The following ATP8B1 variants were observed in gnomAD, a reference collection of about 807,000 sequenced individuals.
ATP8B1 encodes the protein phospholipid-transporting ATPase IC.
ATP8B1 carries 80 observed loss-of-function variants against 149.9 expected under a neutral mutation model. The observed-to-expected ratio is 0.53, with a 90% confidence interval of 0.45 to 0.64. The LOEUF is 0.64. ATP8B1 is among the 30% of genes least tolerant of loss of function. ATP8B1 has a pLI of 0.00. For synonymous variants in ATP8B1, 536 were observed against 562.8 expected (o/e 0.95, Z 0.67); for missense variants, 1,247 against 1,552.6 (o/e 0.80, Z 3.31).
At chr18:57,731,096 C>G (rs1358366959) in intron 2 of ATP8B1, among the ~76,000 whole-genome samples, 1 of 151,704 alleles carries the variant, frequency 6.6e-6, no homozygotes, top group African/African-American at 2.4e-5. Flanking sequence ...GAGTTTGAGA[C>G]GAGCCTGGGC....
At chr18:57,678,129 T>TA (rs1036087749) in intron 15 of ATP8B1, among the ~76,000 whole-genome samples, 1 of 152,064 alleles carries the variant, frequency 6.6e-6, no homozygotes, top group African/African-American at 2.4e-5. Flanking sequence ...TTTGTCACAA[T>TA]AGAGATTAGG....
chr18:57,800,280 A>C (rs2080561547), intron 1 of ATP8B1, among the ~76,000 whole-genome samples: 1 of 152,196 alleles, frequency 6.6e-6, no homozygotes, highest in Admixed American at 6.6e-5. Context: ...GGATTGCTTG[A>C]GGCCAGGAGT....
intron 1 of ATP8B1, among the ~76,000 whole-genome samples, chr18:57,743,597 G>T (rs1291937220): frequency 6.6e-6 from 1 of 152,030 alleles, no homozygotes; most frequent in Non-Finnish European, 1.5e-5. Flanking sequence ...GGGGTGGGTG[G>T]GAGAGAGATA....
chr18:57,750,960 A>C (rs1195449407), intron 1 of ATP8B1, among the ~76,000 whole-genome samples: 1 of 152,060 alleles, frequency 6.6e-6, no homozygotes, highest in African/African-American at 2.4e-5. Context: ...CTCTAGTAAA[A>C]ATACAGAAAA....
At chr18:57,709,165 T>C (rs1913567740) in intron 2 of ATP8B1, among the ~76,000 whole-genome samples, 1 of 152,210 alleles carries the variant, frequency 6.6e-6, no homozygotes, top group South Asian at 2.1e-4. Flanking sequence ...ACAAACAAAT[T>C]GATGTCTACT....
At chr18:57,755,865 C>T (rs1294537309) in intron 1 of ATP8B1, among the ~76,000 whole-genome samples, 1 of 152,072 alleles carries the variant, frequency 6.6e-6, no homozygotes, top group Admixed American at 6.6e-5. Context: ...GCAGCACTGC[C>T]AGGGACAGAC....
intron 24 of ATP8B1, among the ~76,000 whole-genome samples, chr18:57,652,988 A>G (rs1909728074): frequency 6.6e-6 from 1 of 152,222 alleles, no homozygotes; most frequent in East Asian, 1.9e-4. Flanking sequence ...TGGAAAGAAA[A>G]CAAATTAGTA....
At chr18:57,792,962 C>G (rs2080478429) in intron 1 of ATP8B1, among the ~76,000 whole-genome samples, 1 of 152,168 alleles carries the variant, frequency 6.6e-6, no homozygotes, top group Non-Finnish European at 1.5e-5. Context: ...AAGTCAAGTC[C>G]TCTGCTTCCT....
intron 12 of ATP8B1, among the ~76,000 whole-genome samples, chr18:57,689,555 G>A (rs1232041217): frequency 6.6e-6 from 1 of 152,124 alleles, no homozygotes; most frequent in Admixed American, 6.5e-5. Context: ...TCTCCCTTCC[G>A]TAAGTATTTC....
intron 1 of ATP8B1, among the ~76,000 whole-genome samples, chr18:57,743,642 T>C (rs1404507756): frequency 2.6e-5 from 4 of 151,520 alleles, no homozygotes; most frequent in South Asian, 2.1e-4. Flanking sequence ...GGCAGGAAAA[T>C]GCAATGGAAA....
Position 57,688,393 on chromosome 18 carries a change from G to A in ATP8B1, c.1335C>T (p.Leu445=), listed in dbSNP as rs369422441. 5.6e-6 allele frequency: 9 copies of A among 1,614,014 alleles called. No homozygotes were observed. Among genetic ancestry groups the A allele is most frequent in the Admixed American group, 1.7e-5 (1 of 59,996 alleles). Reference sequence around the variant, plus strand: ...CAGAGAAGATATAATGGATCTGCCCGAGCTGTTCATTGAGTGTGGTGGTTC... The same window carrying A: ...CAGAGAAGATATAATGGATCTGCCCAAGCTGTTCATTGAGTGTGGTGGTTC... The part of the protein sequence containing the change: ...KARTTTLNEQ[L]GQIHYIFSDK... The change falls in exon 13 of 28, where the codon CTC becomes CTT. Residue 445 remains leucine (L), a synonymous_variant. Coordinates refer to ENST00000648908, the MANE Select transcript of ATP8B1 (RefSeq NM_001374385.1).
At chr18:57,694,767 C>T (rs1359487618) in intron 10 of ATP8B1, 97 bp from the exon 11 acceptor site, 19 of 882,358 alleles carry the variant, frequency 2.2e-5, no homozygotes, top group South Asian at 5.6e-5. Flanking sequence ...TGGTGGCTTA[C>T]GCCTGTAATC....
At chr18:57,752,078 G>A (rs768203575) in intron 1 of ATP8B1, among the ~76,000 whole-genome samples, 7 of 151,946 alleles carry the variant, frequency 4.6e-5, no homozygotes, top group East Asian at 1.9e-4. Context: ...ATTATGGTGC[G>A]TGCCTGTGGT....
At chr18:57,760,527 G>A (rs148201219) in intron 1 of ATP8B1, among the ~76,000 whole-genome samples, 221 of 152,238 alleles carry the variant, frequency 1.5e-3, no homozygotes, top group African/African-American at 5.1e-3. Context: ...AGAGCAGCTA[G>A]TGGCTTCCAC....
intron 20 of ATP8B1, 85 bp from the exon 21 acceptor site, chr18:57,662,700 T>A (rs762232761): frequency 6.7e-7 from 1 of 1,485,418 alleles, no homozygotes; most frequent in Non-Finnish European, 9.2e-7. Flanking sequence ...TAAAAAAAAT[T>A]GTGACAAAAA....
chr18:57,685,490 A>C (rs1912189931), intron 13 of ATP8B1, among the ~76,000 whole-genome samples: 2 of 152,154 alleles, frequency 1.3e-5, no homozygotes, highest in Non-Finnish European at 2.9e-5. Context: ...GTATATATGC[A>C]TGTCCCTATA....
At chr18:57,748,021 C>G (rs969962271) in intron 1 of ATP8B1, among the ~76,000 whole-genome samples, 3 of 152,172 alleles carry the variant, frequency 2.0e-5, no homozygotes, top group African/African-American at 4.8e-5. Context: ...TCTGTTCTGG[C>G]TTTCAGAGTT....
At chr18:57,749,726 T>C (rs559199183) in intron 1 of ATP8B1, among the ~76,000 whole-genome samples, 2 of 152,126 alleles carry the variant, frequency 1.3e-5, no homozygotes, top group Non-Finnish European at 2.9e-5. Flanking sequence ...TTCTCTCCCT[T>C]CCAGCAACCA....
chr18:57,703,459 A>C (rs1002750770), intron 4 of ATP8B1, among the ~76,000 whole-genome samples: 1 of 151,830 alleles, frequency 6.6e-6, no homozygotes, highest in African/African-American at 2.4e-5. Context: ...GATCCCAGCT[A>C]CTCAGGGGGC....
Sources: gnomAD v4.1 joint callset for allele counts (sites outside exome capture counted in the v4.1 genomes callset) on GRCh38, gnomAD v4.1.1 for gene constraint, MANE v1.5 for transcripts, NCBI Gene and HGNC (gene_info 2026-07-23, HGNC 2026-07-21) for gene names.